TBC1D9: variants seen among roughly 807,000 people sequenced by gnomAD.
TBC1D9 encodes TBC1 domain family member 9, also known as TBC1 domain family member 9A.
Under a neutral mutation model 132.0 loss-of-function variants are expected in TBC1D9, and 63 were observed. The ratio of observed to expected loss-of-function variants is 0.48; its 90% CI spans 0.39 to 0.59. The LOEUF (loss-of-function observed/expected upper bound fraction) is 0.59. TBC1D9 is among the 20% of genes least tolerant of loss of function. The pLI is 0.00. For missense variants in TBC1D9, 1,261 were observed against 1,592.7 expected (o/e 0.79, Z 3.54); for synonymous variants, 610 against 609.9 (o/e 1.00, Z 0.00).
chr4:140,705,445 G>A (rs987894379), intron 1 of TBC1D9, among the ~76,000 whole-genome samples: 1 of 151,996 alleles, frequency 6.6e-6, no homozygotes, highest in Non-Finnish European at 1.5e-5. Context: ...CACAGGCCCT[G>A]CACTTTGGAG....
chr4:140,709,080 T>C (rs1392550179), intron 1 of TBC1D9, among the ~76,000 whole-genome samples: 1 of 152,092 alleles, frequency 6.6e-6, no homozygotes, highest in Non-Finnish European at 1.5e-5. Flanking sequence ...TACTATGGAA[T>C]GTTATTGTTT....
intron 1 of TBC1D9, among the ~76,000 whole-genome samples, chr4:140,745,852 A>G (rs376678070): frequency 1.3e-5 from 2 of 152,320 alleles, no homozygotes; most frequent in African/African-American, 4.8e-5. Flanking sequence ...ACAAGCTGGC[A>G]AGATGAAAGC....
At chr4:140,627,350 G>T in intron 18 of TBC1D9, 91 bp downstream of exon 18, 1 of 799,788 alleles carries the variant, frequency 1.3e-6, no homozygotes, top group Non-Finnish European at 2.1e-6. Context: ...ATACTTCTTT[G>T]ATTGACTAGC....
At chr4:140,722,794 T>C (rs186232179) in intron 1 of TBC1D9, among the ~76,000 whole-genome samples, 1 of 152,324 alleles carries the variant, frequency 6.6e-6, no homozygotes, top group East Asian at 1.9e-4. Context: ...GTCTGAAATG[T>C]CACTCTCACC....
chr4:140,649,461 T>A (rs756859850), intron 13 of TBC1D9, among the ~76,000 whole-genome samples: 1 of 152,140 alleles, frequency 6.6e-6, no homozygotes, highest in Non-Finnish European at 1.5e-5. Context: ...CAGAAAAAAC[T>A]CCAAATACTT....
At chr4:140,721,592 T>C (rs1315201239) in intron 1 of TBC1D9, among the ~76,000 whole-genome samples, 1 of 152,168 alleles carries the variant, frequency 6.6e-6, no homozygotes, top group Non-Finnish European at 1.5e-5. Context: ...AATTGGACTT[T>C]CTCTAGCTTC....
intron 2 of TBC1D9, among the ~76,000 whole-genome samples, chr4:140,698,744 G>A (rs186268646): frequency 2.3e-4 from 34 of 150,596 alleles, no homozygotes; most frequent in African/African-American, 8.1e-4. Context: ...TCTCGGGGGT[G>A]GGGGGGGGAA....
intron 15 of TBC1D9, among the ~76,000 whole-genome samples, chr4:140,636,716 A>G (rs1736887431): frequency 6.6e-6 from 1 of 152,154 alleles, no homozygotes; most frequent in East Asian, 1.9e-4. Flanking sequence ...TTAAAGTACT[A>G]AGAAGTCTGG....
At chr4:140,742,987 G>A (rs1262980349) in intron 1 of TBC1D9, among the ~76,000 whole-genome samples, 1 of 151,764 alleles carries the variant, frequency 6.6e-6, no homozygotes, top group Non-Finnish European at 1.5e-5. Context: ...GGGAGGAAAA[G>A]GAAGGGAAGG....
chr4:140,668,008 T>C (rs2111007289), intron 9 of TBC1D9, among the ~76,000 whole-genome samples: 1 of 152,316 alleles, frequency 6.6e-6, no homozygotes, highest in South Asian at 2.1e-4. Flanking sequence ...TGTCAGACCA[T>C]CTTAGGTTCA....
intron 2 of TBC1D9, among the ~76,000 whole-genome samples, chr4:140,686,823 T>A (rs1307096831): frequency 6.6e-6 from 1 of 152,050 alleles, no homozygotes; most frequent in Non-Finnish European, 1.5e-5. Flanking sequence ...CTTTACAGGG[T>A]AACATAGATC....
intron 1 of TBC1D9, among the ~76,000 whole-genome samples, chr4:140,740,366 A>C (rs901061408): frequency 6.6e-6 from 1 of 152,236 alleles, no homozygotes; most frequent in Non-Finnish European, 1.5e-5. Flanking sequence ...CAACAATCTA[A>C]GTCTAGCTCC....
At chr4:140,642,313 T>C (rs1578820007) in intron 13 of TBC1D9, 1 of 760,752 alleles carries the variant, frequency 1.3e-6, no homozygotes, top group East Asian at 2.7e-5. Context: ...GGCTGGCCTC[T>C]GGCCTTGAAC....
intron 1 of TBC1D9, among the ~76,000 whole-genome samples, chr4:140,710,321 G>A (rs1002334442): frequency 2.6e-5 from 4 of 152,014 alleles, no homozygotes; most frequent in African/African-American, 9.7e-5. Flanking sequence ...TTACAAAGAG[G>A]GGAGTGAGCT....
At chr4:140,737,755 C>A (rs115569317) in intron 1 of TBC1D9, among the ~76,000 whole-genome samples, 1 of 152,154 alleles carries the variant, frequency 6.6e-6, no homozygotes, top group Admixed American at 6.5e-5. Flanking sequence ...AAGCACAATA[C>A]TAAATCCCTG....
At chr4:140,625,832 T>C (rs1736699100) in intron 18 of TBC1D9, among the ~76,000 whole-genome samples, 1 of 152,224 alleles carries the variant, frequency 6.6e-6, no homozygotes, top group Non-Finnish European at 1.5e-5. Flanking sequence ...ATCTGTGGTG[T>C]GTATGTGTAC....
chr4:140,642,089 G>T, intron 13 of TBC1D9: 1 of 715,910 alleles, frequency 1.4e-6, no homozygotes, highest in Non-Finnish European at 2.6e-6. Flanking sequence ...GCGGAGGAGG[G>T]GGTGTGTGCC....
chr4:140,630,035 C>T (rs1389527215), intron 16 of TBC1D9, among the ~76,000 whole-genome samples: 1 of 152,166 alleles, frequency 6.6e-6, no homozygotes, highest in Non-Finnish European at 1.5e-5. Context: ...AGTGACAGGT[C>T]CAGGATTTGC....
intron 2 of TBC1D9, among the ~76,000 whole-genome samples, chr4:140,695,198 T>G (rs1737934704): frequency 6.6e-6 from 1 of 152,018 alleles, no homozygotes; most frequent in African/African-American, 2.4e-5. Flanking sequence ...GGGATGGGAG[T>G]GGGGAGACCT....
Sources: gnomAD v4.1 joint callset for allele counts (sites outside exome capture counted in the v4.1 genomes callset) on GRCh38, gnomAD v4.1.1 for gene constraint, MANE v1.5 for transcripts, NCBI Gene and HGNC (gene_info 2026-07-23, HGNC 2026-07-21) for gene names.